Variants in CASR observed in about 807,000 individuals in gnomAD.
CASR encodes calcium sensing receptor.
Under a neutral mutation model 69.1 loss-of-function variants are expected in CASR, and 23 were observed. The observed-to-expected ratio is 0.33, with a 90% CI of 0.24 to 0.47. The LOEUF (loss-of-function observed/expected upper bound fraction) is 0.47. CASR is among the 20% of genes least tolerant of loss of function. The probability of loss-of-function intolerance (pLI) is 1.00; values close to 1 mark genes in which losing one functional copy is unlikely to be tolerated. For missense variants in CASR, 924 were observed against 1,356.1 expected (o/e 0.68, Z 5.00); for synonymous variants, 541 against 544.7 (o/e 0.99, Z 0.10).
intron 1 of CASR, among the ~76,000 whole-genome samples, chr3:122,218,394 C>T (rs574169142): frequency 7.9e-5 from 12 of 151,790 alleles, no homozygotes; most frequent in Non-Finnish European, 1.2e-4. Flanking sequence ...ATTAGCCAGG[C>T]GGTGTGGCAG....
chr3:122,283,313 G>A (rs2107649103), intron 6 of CASR, among the ~76,000 whole-genome samples: 1 of 152,332 alleles, frequency 6.6e-6, no homozygotes, highest in Non-Finnish European at 1.5e-5. Context: ...GGCTAAGCTT[G>A]AATCATTCTG....
intron 1 of CASR, among the ~76,000 whole-genome samples, chr3:122,187,549 C>A (rs534918244): frequency 5.5e-4 from 83 of 152,000 alleles, no homozygotes; most frequent in Non-Finnish European, 9.6e-4. Flanking sequence ...GTATTGTGTT[C>A]ATTACAATTA....
chr3:122,236,995 A>AT (rs1576840217), intron 1 of CASR, among the ~76,000 whole-genome samples: 1 of 152,044 alleles, frequency 6.6e-6, no homozygotes, highest in East Asian at 1.9e-4. Flanking sequence ...AATAGATGTG[A>AT]TTTTAGTTAA....
At chr3:122,185,937 C>G (rs1262287522) in intron 1 of CASR, among the ~76,000 whole-genome samples, 1 of 151,910 alleles carries the variant, frequency 6.6e-6, no homozygotes, top group Non-Finnish European at 1.5e-5. Context: ...CATTTGGGAA[C>G]AGTCTCCATA....
chr3:122,258,358 CTTTTT>C (rs34570632), intron 3 of CASR, among the ~76,000 whole-genome samples: 3 of 115,194 alleles, frequency 2.6e-5, no homozygotes, highest in Non-Finnish European at 3.6e-5. Flanking sequence ...GGGAGGGCTC[CTTTTT>C]TTTTTTTTTT....
In CASR at chr3:122,254,074, T is replaced by C; in HGVS notation, c.-116T>C. 4 of 893,152 alleles carry C rather than the reference T, an allele frequency of 4.5e-6. No individual in the cohort carries two copies. The South Asian group carries it at 5.3e-5, about 12-fold the overall frequency. The allele number at this position is 893,152 out of a possible 1,614,324, so 55.3% of individuals were successfully genotyped here. A position where few individuals can be genotyped will look rare whatever the true frequency, so the allele number is the denominator to read the frequency against. ...ACCACGTCTTCTATTATTTTATTAA[T>C]CAATCTGTAGACATGTGTCCCCACT... On this transcript the variant is annotated 5_prime_UTR_variant, in exon 2 of 7. Transcript: ENST00000639785.
intron 5 of CASR, among the ~76,000 whole-genome samples, chr3:122,276,548 C>G (rs2074823646): frequency 6.6e-6 from 1 of 152,270 alleles, no homozygotes; most frequent in Non-Finnish European, 1.5e-5. Flanking sequence ...AAGAATTGAT[C>G]CCGCCTCAAT....
chr3:122,253,257 C>T (rs898129906), intron 1 of CASR, among the ~76,000 whole-genome samples: 7 of 152,116 alleles, frequency 4.6e-5, no homozygotes, highest in Admixed American at 3.9e-4. Flanking sequence ...TTCTTTTTTT[C>T]TGAGACAGAG....
At position 122,282,286 on chromosome 3, in the gene CASR, G is replaced by T. The variant is rs370857956; in HGVS notation, c.1732+50G>T. The T allele has an allele frequency of 1.4e-5, 22 of 1,594,400 alleles. No individual in the cohort carries two copies. In the African/African-American group the frequency reaches 2.8e-4, roughly 20 times the overall value. ...GTGCAGGGCTTGGTCCACTTCGGAG[G>T]CCTGGGGTCAGTGAAGCCCATGGAA... On this transcript the variant is annotated intron_variant, in intron 6 of 6. Transcript: ENST00000639785.
At chr3:122,245,956 GA>G (rs950294264) in intron 1 of CASR, among the ~76,000 whole-genome samples, 10 of 152,224 alleles carry the variant, frequency 6.6e-5, no homozygotes, top group South Asian at 4.2e-4. Flanking sequence ...AAATCGGGGG[GA>G]AAAAATTACT....
chr3:122,266,314 T>C (rs1039965756), intron 4 of CASR, among the ~76,000 whole-genome samples: 3 of 152,088 alleles, frequency 2.0e-5, no homozygotes, highest in Non-Finnish European at 4.4e-5. Context: ...TGCATGCATG[T>C]CCTGTATTTG....
At position 122,286,284 on chromosome 3, in the gene CASR, C is replaced by T. The variant is rs1802757; in HGVS notation, c.*1093C>T. 25,939 of 152,124 alleles carry T rather than the reference C, an allele frequency of 0.17. 2,638 individuals are homozygous for T. The highest frequency in any genetic ancestry group is 0.4 in the East Asian group (2,045 of 5,150). 9.4% of individuals were successfully genotyped at this position (152,124 alleles called of 1,614,324 possible). A position where few individuals can be genotyped will look rare whatever the true frequency, so the allele number is the denominator to read the frequency against. ...GGAGCCAGAGAGACAGACCGGGGTTCAAGCCATGGCTTCGTCATTTGCAAG... is the reference window on the plus strand; with the variant it reads ...GGAGCCAGAGAGACAGACCGGGGTTTAAGCCATGGCTTCGTCATTTGCAAG... On this transcript the variant is annotated 3_prime_UTR_variant, in exon 7 of 7. Coordinates refer to ENST00000639785, the MANE Select transcript of CASR (RefSeq NM_000388.4).
rs1320529533 is a variant in CASR, at chr3:122,286,494, A to G, written c.*1303A>G. 2.0e-5 allele frequency: 3 copies of G among 152,260 alleles called. No homozygotes were observed. Among genetic ancestry groups the G allele is most frequent in the Admixed American group, 6.5e-5 (1 of 15,290 alleles). 9.4% of individuals were successfully genotyped at this position (152,260 alleles called of 1,614,324 possible). A position where few individuals can be genotyped will look rare whatever the true frequency, so the allele number is the denominator to read the frequency against. The stretch of plus-strand genomic sequence containing the variant: ...CATTCAATAAATATTAGTTAATATT[A>G]TTACTGATACTGTAATAATTATTTT... On this transcript the variant is annotated 3_prime_UTR_variant, in exon 7 of 7. Coordinates refer to ENST00000639785, the MANE Select transcript of CASR (RefSeq NM_000388.4).
intron 1 of CASR, among the ~76,000 whole-genome samples, chr3:122,198,958 G>A (rs1252875159): frequency 6.6e-6 from 1 of 151,972 alleles, no homozygotes; most frequent in East Asian, 1.9e-4. Flanking sequence ...AATCTTTCCT[G>A]CTCTTTCCTC....
At chr3:122,208,898 G>A (rs17203502) in intron 1 of CASR, among the ~76,000 whole-genome samples, 73,082 of 151,952 alleles carry the variant, frequency 0.48, 18,468 homozygotes, top group African/African-American at 0.57. Context: ...TTAGGCTAAC[G>A]TAGTGGAGGA....
At chr3:122,252,509 G>A (rs1477712371) in intron 1 of CASR, among the ~76,000 whole-genome samples, 2 of 76,836 alleles carry the variant, frequency 2.6e-5, no homozygotes, top group Admixed American at 1.8e-4. Context: ...GAAAGAGAGA[G>A]AGAGAAAGAA....
At chr3:122,231,505 A>G (rs1038123886) in intron 1 of CASR, among the ~76,000 whole-genome samples, 4 of 152,220 alleles carry the variant, frequency 2.6e-5, no homozygotes, top group Non-Finnish European at 4.4e-5. Context: ...CAACCGTACT[A>G]TTGTTATTCC....
chr3:122,191,188 A>G (rs2073835890), intron 1 of CASR, among the ~76,000 whole-genome samples: 2 of 152,260 alleles, frequency 1.3e-5, no homozygotes, highest in African/African-American at 4.8e-5. Context: ...AGAGGGGAGC[A>G]GTGGATATTT....
chr3:122,208,596 G>A (rs745407864), intron 1 of CASR, among the ~76,000 whole-genome samples: 3 of 152,090 alleles, frequency 2.0e-5, no homozygotes, highest in African/African-American at 4.8e-5. Context: ...AATGATCACT[G>A]TTTATTACAT....
Sources: allele counts gnomAD v4.1 joint callset (sites outside exome capture counted in the v4.1 genomes callset), GRCh38; gene constraint gnomAD v4.1.1; transcripts MANE v1.5; gene names NCBI Gene and HGNC (gene_info 2026-07-23, HGNC 2026-07-21).